Variants in KAZN observed in about 807,000 individuals in gnomAD.
The protein encoded by KAZN is kazrin, periplakin interacting protein.
Under a neutral mutation model 87.4 loss-of-function variants are expected in KAZN, and 40 were observed. That is an observed-to-expected ratio of 0.46 (90% CI 0.36 to 0.60). KAZN has a LOEUF of 0.60. KAZN is among the 20% of genes least tolerant of loss of function. KAZN has a pLI of 0.00. For synonymous variants in KAZN, 466 were observed against 458.3 expected, an observed-to-expected ratio of 1.02 and a Z score of -0.22; for missense variants, 898 against 1,073.9, an observed-to-expected ratio of 0.84 and a Z score of 2.29.
chr1:14,279,071 T>A (rs1176270532), intron 2 of KAZN, among the ~76,000 whole-genome samples: 3 of 152,032 alleles, frequency 2.0e-5, no homozygotes, highest in Non-Finnish European at 2.9e-5. Context: ...GTATTTATCA[T>A]AGACATAAGG....
At chr1:14,205,400 AT>A (rs1470573545) in intron 2 of KAZN, among the ~76,000 whole-genome samples, 1 of 152,198 alleles carries the variant, frequency 6.6e-6, no homozygotes. Flanking sequence ...GGTAATAAAA[AT>A]GTTCACTATT....
At chr1:14,219,709 G>C (rs1647050582) in intron 2 of KAZN, among the ~76,000 whole-genome samples, 1 of 152,122 alleles carries the variant, frequency 6.6e-6, no homozygotes, top group South Asian at 2.1e-4. Context: ...ATAGAGAAAT[G>C]GAAATTTATT....
At chr1:14,925,946 T>A (rs1046521608) in intron 1 of KAZN, among the ~76,000 whole-genome samples, 15 of 152,226 alleles carry the variant, frequency 9.9e-5, no homozygotes, top group Admixed American at 9.2e-4. Context: ...AGTTGCTTCA[T>A]CTTTTTGAGA....
rs114753746 is a variant in KAZN, at chr1:14,970,635, C to T, written c.418+9760C>T. On this transcript the variant is annotated intron_variant, in intron 2 of 14. Coordinates refer to ENST00000376030, the MANE Select transcript of KAZN (RefSeq NM_201628.3). Reference sequence around the variant, plus strand: ...GCGCCTTCCCCCAGGCGTCCCTGTCCCCCACACAGCCTCCCTAACATGTGC... The same window carrying T: ...GCGCCTTCCCCCAGGCGTCCCTGTCTCCCACACAGCCTCCCTAACATGTGC... Among the ~76,000 whole-genome samples the T allele has an allele frequency of 4.5e-3, 689 of 152,268 alleles. 3 individuals are homozygous for T. The highest frequency in any genetic ancestry group is 0.015 in the African/African-American group (641 of 41,550).
At chr1:14,595,694 AAAAAG>A (rs1676459841), upstream of KAZN, among the ~76,000 whole-genome samples, 1 of 149,114 alleles carries the variant, frequency 6.7e-6, no homozygotes, top group South Asian at 2.1e-4. Context: ...AAAAAAAAAA[AAAAAG>A]AAAAAGAAAA....
rs112751256 is a variant in KAZN, at chr1:14,282,951, G to A, written c.249+102359G>A. Among the ~76,000 whole-genome samples the A allele has an allele frequency of 3.5e-3, 535 of 152,238 alleles. 2 individuals are homozygous for A. The highest frequency in any genetic ancestry group is 0.012 in the African/African-American group (482 of 41,546). Reference sequence around the variant, plus strand: ...GGAGTGCTGTTTCTGTAATTTCCCCGTGGAATTTCGATCTGCCCTTGTCGA... The same window carrying A: ...GGAGTGCTGTTTCTGTAATTTCCCCATGGAATTTCGATCTGCCCTTGTCGA... On this transcript the variant is annotated intron_variant, in intron 2 of 16. Coordinates refer to the KAZN transcript ENST00000636203.
At chr1:14,271,106 T>C (rs376850785) in intron 2 of KAZN, among the ~76,000 whole-genome samples, 10 of 152,228 alleles carry the variant, frequency 6.6e-5, no homozygotes, top group African/African-American at 2.4e-4. Flanking sequence ...CTCCTTACTT[T>C]GCAAATGGCG....
intron 1 of KAZN, among the ~76,000 whole-genome samples, chr1:14,159,652 C>T (rs550636783): frequency 2.0e-5 from 3 of 152,270 alleles, no homozygotes; most frequent in Non-Finnish European, 4.4e-5. Context: ...TTAGCTTTTT[C>T]CTCTGCTTTT....
intron 2 of KAZN, among the ~76,000 whole-genome samples, chr1:14,477,833 A>G (rs2148383873): frequency 6.6e-6 from 1 of 152,338 alleles, no homozygotes; most frequent in South Asian, 2.1e-4. Flanking sequence ...GCTGCCCATT[A>G]GAAAGAGGAG....
intron 1 of KAZN, among the ~76,000 whole-genome samples, chr1:13,953,801 A>C (rs1275132470): frequency 2.0e-5 from 3 of 152,210 alleles, no homozygotes; most frequent in Non-Finnish European, 4.4e-5. Context: ...TGCACCATCC[A>C]ATATGGTGGC....
intron 1 of KAZN, among the ~76,000 whole-genome samples, chr1:14,787,014 T>G (rs1262988939): frequency 6.6e-6 from 1 of 152,184 alleles, no homozygotes; most frequent in Non-Finnish European, 1.5e-5. Flanking sequence ...CAAACATCTT[T>G]AGACTTAGAC....
intron 1 of KAZN, among the ~76,000 whole-genome samples, chr1:13,930,212 A>G (rs1463086971): frequency 2.6e-5 from 4 of 152,200 alleles, no homozygotes; most frequent in African/African-American, 9.7e-5. Flanking sequence ...TGATTCAATT[A>G]CAGACTTTAA....
intron 2 of KAZN, among the ~76,000 whole-genome samples, chr1:14,325,570 C>CA (rs1484175887): frequency 2.0e-5 from 3 of 151,690 alleles, no homozygotes; most frequent in Non-Finnish European, 4.4e-5. Context: ...AAAGAATATT[C>CA]AAAAAAATGG....
At chr1:14,292,554 A>G (rs1425142495) in intron 2 of KAZN, among the ~76,000 whole-genome samples, 1 of 152,194 alleles carries the variant, frequency 6.6e-6, no homozygotes, top group Non-Finnish European at 1.5e-5. Flanking sequence ...AGGCAGGTGC[A>G]GTGCTGATGC....
chr1:13,938,774 A>G (rs1169846746), intron 1 of KAZN, among the ~76,000 whole-genome samples: 1 of 152,230 alleles, frequency 6.6e-6, no homozygotes, highest in Non-Finnish European at 1.5e-5. Context: ...TTTGAAATCT[A>G]GGTAGAGGAT....
upstream of KAZN, chr1:14,598,653 C>T: frequency 8.3e-7 from 1 of 1,201,294 alleles, no homozygotes; most frequent in Non-Finnish European, 1.0e-6. The surrounding 1 kb of genome is among the most constrained non-coding windows in gnomAD (Gnocchi z 4.2). Flanking sequence ...TGGTAGGCTC[C>T]ATTTAAAGAG....
intron 1 of KAZN, among the ~76,000 whole-genome samples, chr1:14,776,259 C>T (rs571867670): frequency 3.9e-5 from 6 of 152,356 alleles, no homozygotes; most frequent in African/African-American, 1.4e-4. Context: ...CCGCTTCGGC[C>T]TCCCAAAGTG....
intron 1 of KAZN, among the ~76,000 whole-genome samples, chr1:14,602,275 T>C (rs1677038338): frequency 6.6e-6 from 1 of 152,238 alleles, no homozygotes; most frequent in Admixed American, 6.5e-5. Flanking sequence ...TCGGAGGATA[T>C]TCTTTCGGAA....
chr1:14,606,836 A>G (rs1180216651), intron 1 of KAZN, among the ~76,000 whole-genome samples: 1 of 152,022 alleles, frequency 6.6e-6, no homozygotes, highest in African/African-American at 2.4e-5. Flanking sequence ...TGACAGTAGA[A>G]CCCTTCACAC....
Sources: gnomAD v4.1 joint callset for allele counts (sites outside exome capture counted in the v4.1 genomes callset) on GRCh38, gnomAD v4.1.1 for gene constraint, Gnocchi (gnomAD v3.1) non-coding constraint, MANE v1.5 for transcripts, NCBI Gene and HGNC (gene_info 2026-07-23, HGNC 2026-07-21) for gene names.